The following TRABD2B variants were observed in gnomAD, a reference collection of about 807,000 sequenced individuals.
TRABD2B encodes the protein TraB domain containing 2B.
Under a neutral mutation model 40.1 loss-of-function variants are expected in TRABD2B, and 14 were observed. The observed-to-expected ratio is 0.35, with a 90% CI of 0.23 to 0.55. The LOEUF (loss-of-function observed/expected upper bound fraction) is 0.55, where lower values mean the gene tolerates loss of function less well. TRABD2B is among the 20% of genes least tolerant of loss of function. TRABD2B has a pLI of 0.90. For synonymous variants in TRABD2B, 263 were observed against 277.0 expected, an observed-to-expected ratio of 0.95 and a Z score of 0.50; for missense variants, 541 against 648.6, an observed-to-expected ratio of 0.83 and a Z score of 1.80.
chr1:47,857,990 TC>T (rs1643912190), intron 2 of TRABD2B, among the ~76,000 whole-genome samples: 1 of 147,888 alleles, frequency 6.8e-6, no homozygotes, highest in Non-Finnish European at 1.5e-5. Context: ...TAGATAGAGA[TC>T]CCATTTGCAT....
At chr1:47,812,269 G>A (rs369598458) in intron 2 of TRABD2B, among the ~76,000 whole-genome samples, 4 of 152,214 alleles carry the variant, frequency 2.6e-5, no homozygotes, top group Admixed American at 2.0e-4. Flanking sequence ...CAACTTCAAG[G>A]TGATGGAGGA....
chr1:47,896,845 T>C (rs1246296256), intron 2 of TRABD2B, among the ~76,000 whole-genome samples: 2 of 152,212 alleles, frequency 1.3e-5, no homozygotes, highest in Non-Finnish European at 2.9e-5. Context: ...AGATGTGTTA[T>C]GAGGATTAAG....
chr1:47,885,832 G>A (rs1644363813), intron 2 of TRABD2B, among the ~76,000 whole-genome samples: 1 of 152,182 alleles, frequency 6.6e-6, no homozygotes, highest in Admixed American at 6.5e-5. Flanking sequence ...GCTCAAAGGA[G>A]CTTAATGAAT....
chr1:47,928,853 C>T (rs895554707), intron 2 of TRABD2B, among the ~76,000 whole-genome samples: 3 of 152,188 alleles, frequency 2.0e-5, no homozygotes, highest in Non-Finnish European at 4.4e-5. Context: ...CCTTCAAGGC[C>T]CAGCCTAAAC....
At position 47,792,125 on chromosome 1, in the gene TRABD2B, G is replaced by C. The variant is rs577181103; in HGVS notation, c.988+2461C>G. Among the ~76,000 whole-genome samples the C allele has an allele frequency of 3.9e-5, 6 of 152,322 alleles. No individual in the cohort carries two copies. The East Asian group carries it at 9.6e-4, about 24-fold the overall frequency. On this transcript the variant is annotated intron_variant, in intron 4 of 6. Transcript: ENST00000606738. ...GCAGCTGCCAGCAGGATCTGCACGT[G>C]GCTCCAGATCTGTTGTTTTTGGAGA...
At chr1:47,778,338 T>C in intron 5 of TRABD2B, 116 bp downstream of exon 5, 1 of 748,512 alleles carries the variant, frequency 1.3e-6, no homozygotes, top group Non-Finnish European at 2.2e-6. Context: ...TTTCCATTCT[T>C]GCTTCCTGGT....
At position 47,764,413 on chromosome 1, in the gene TRABD2B, C is replaced by T. The variant is rs2124400441; in HGVS notation, c.*1489G>A. 6.6e-6 allele frequency: 1 copy of T among 152,294 alleles called. No homozygotes were observed. Among genetic ancestry groups the T allele is most frequent in the East Asian group, 1.9e-4 (1 of 5,176 alleles). The allele number at this position is 152,294 out of a possible 1,614,324, so 9.4% of individuals were successfully genotyped here. A position where few individuals can be genotyped will look rare whatever the true frequency, so the allele number is the denominator to read the frequency against. ...GCCTCCCAGGTGGGAGTTAGCCCAC[C>T]TGGGTCCTCTGTCTCCTCAACCACC... On this transcript the variant is annotated 3_prime_UTR_variant, in exon 7 of 7. Coordinates refer to ENST00000606738, the MANE Select transcript of TRABD2B (RefSeq NM_001194986.2).
chr1:47,929,181 A>C (rs961365857), intron 2 of TRABD2B, among the ~76,000 whole-genome samples: 3 of 152,218 alleles, frequency 2.0e-5, no homozygotes, highest in Non-Finnish European at 4.4e-5. Context: ...TGAGGCAAGC[A>C]AGGCACCTGG....
chr1:47,978,091 T>C (rs1645785075), intron 2 of TRABD2B, among the ~76,000 whole-genome samples: 1 of 152,070 alleles, frequency 6.6e-6, no homozygotes, highest in Non-Finnish European at 1.5e-5. Context: ...TAATCCCCAA[T>C]GTGACGGTAT....
At chr1:47,816,513 G>C (rs1645034704) in intron 2 of TRABD2B, among the ~76,000 whole-genome samples, 1 of 152,022 alleles carries the variant, frequency 6.6e-6, no homozygotes, top group South Asian at 2.1e-4. Flanking sequence ...TTTGTTTCCT[G>C]CTTCAGGACC....
rs142043417 is a variant in TRABD2B, at chr1:47,921,729, G to A, written c.666+72305C>T. On this transcript the variant is annotated intron_variant, in intron 2 of 6. Transcript: ENST00000606738. ...TACTATGGATGTGTGCTATGTGTGC[G>A]ATGGAGTGTGCTAGAAATTCTGATG... 3.2e-4 allele frequency among the ~76,000 whole-genome samples: 48 copies of A among 152,294 alleles called. No homozygotes were observed. The East Asian group carries it at 8.5e-3, about 27-fold the overall frequency.
chr1:47,978,380 T>A (rs1024617321), intron 2 of TRABD2B, among the ~76,000 whole-genome samples: 1 of 152,164 alleles, frequency 6.6e-6, no homozygotes, highest in Non-Finnish European at 1.5e-5. Context: ...TATAGCAACA[T>A]GAACAGACTA....
At chr1:47,900,327 G>T (rs564237130) in intron 2 of TRABD2B, among the ~76,000 whole-genome samples, 1 of 152,306 alleles carries the variant, frequency 6.6e-6, no homozygotes, top group African/African-American at 2.4e-5. Context: ...ACGACTTCAG[G>T]AGAGAGTGCT....
intron 2 of TRABD2B, among the ~76,000 whole-genome samples, chr1:47,890,024 A>G (rs1025215699): frequency 1.3e-5 from 2 of 152,184 alleles, no homozygotes; most frequent in East Asian, 3.8e-4. Context: ...TCTCTGGCTG[A>G]GTCTCCTTTT....
chr1:47,869,704 A>G (rs770899602), intron 2 of TRABD2B, among the ~76,000 whole-genome samples: 96 of 152,232 alleles, frequency 6.3e-4, no homozygotes, highest in Admixed American at 2.1e-3. Flanking sequence ...CTGAGGCTCA[A>G]TGGCCATCAG....
intron 2 of TRABD2B, among the ~76,000 whole-genome samples, chr1:47,861,672 A>G (rs1028808890): frequency 2.0e-5 from 3 of 152,216 alleles, no homozygotes; most frequent in African/African-American, 7.2e-5. Flanking sequence ...TTCACTAGTG[A>G]ATTCTGCCAA....
intron 2 of TRABD2B, among the ~76,000 whole-genome samples, chr1:47,927,133 G>A (rs1025180316): frequency 6.6e-6 from 1 of 152,178 alleles, no homozygotes. Context: ...CAAGATAAGA[G>A]ATCATTCTTG....
intron 2 of TRABD2B, among the ~76,000 whole-genome samples, chr1:47,987,270 C>CT (rs1353461527): frequency 2.0e-5 from 3 of 152,086 alleles, no homozygotes; most frequent in African/African-American, 7.2e-5. Flanking sequence ...CCTTCCAACT[C>CT]TAAGATTTTA....
At chr1:47,858,921 T>C (rs1643926981) in intron 2 of TRABD2B, among the ~76,000 whole-genome samples, 1 of 152,132 alleles carries the variant, frequency 6.6e-6, no homozygotes, top group Admixed American at 6.5e-5. Context: ...ATGGGAACCA[T>C]GGTGGCTTAG....
Sources: allele counts gnomAD v4.1 joint callset (sites outside exome capture counted in the v4.1 genomes callset), GRCh38; gene constraint gnomAD v4.1.1; transcripts MANE v1.5; gene names NCBI Gene and HGNC (gene_info 2026-07-23, HGNC 2026-07-21).